ELMO1: variants seen among roughly 807,000 people sequenced by gnomAD.
ELMO1 encodes engulfment and cell motility 1, also known as engulfment and cell motility protein 1.
A neutral mutation model predicts 98.9 loss-of-function variants in ELMO1; 26 were observed. The observed-to-expected ratio is 0.26, with a 90% confidence interval of 0.19 to 0.36. The LOEUF (loss-of-function observed/expected upper bound fraction) is 0.36, where lower values mean the gene tolerates loss of function less well. ELMO1 is among the 10% of genes least tolerant of loss of function. ELMO1 has a pLI of 1.00. For missense variants in ELMO1, 627 were observed against 935.2 expected (o/e 0.67, Z 4.30); for synonymous variants, 346 against 346.0 (o/e 1.00, Z 0.00).
chr7:36,969,046 A>G (rs1313171817), intron 16 of ELMO1, among the ~76,000 whole-genome samples: 2 of 152,152 alleles, frequency 1.3e-5, no homozygotes, highest in African/African-American at 2.4e-5. Context: ...GAGGATCTTT[A>G]GCCATGTAAG....
intron 1 of ELMO1, among the ~76,000 whole-genome samples, chr7:37,398,605 C>T (rs917841797): frequency 6.6e-6 from 1 of 152,192 alleles, no homozygotes; most frequent in Non-Finnish European, 1.5e-5. Flanking sequence ...GCTGAAGTTT[C>T]CTTCCCTAGG....
chr7:37,366,432 T>A (rs759729809), intron 1 of ELMO1, among the ~76,000 whole-genome samples: 6 of 152,216 alleles, frequency 3.9e-5, no homozygotes, highest in Non-Finnish European at 5.9e-5. Context: ...TATTGCTGTA[T>A]AATCTCATTT....
At chr7:37,335,667 C>T (rs1800364263) in intron 2 of ELMO1, among the ~76,000 whole-genome samples, 1 of 152,070 alleles carries the variant, frequency 6.6e-6, no homozygotes, top group Non-Finnish European at 1.5e-5. Context: ...CGAGGGGTGC[C>T]CGGAAGCCCT....
At chr7:37,007,034 G>GAC (rs1025504246) in intron 16 of ELMO1, among the ~76,000 whole-genome samples, 8 of 142,866 alleles carry the variant, frequency 5.6e-5, no homozygotes, top group South Asian at 2.2e-4. Flanking sequence ...CTTAAACACA[G>GAC]ACACACATAT....
At chr7:36,955,090 A>T (rs2129110371) in intron 16 of ELMO1, among the ~76,000 whole-genome samples, 1 of 152,312 alleles carries the variant, frequency 6.6e-6, no homozygotes, top group African/African-American at 2.4e-5. Flanking sequence ...CATGCCTCAC[A>T]CGTTGTATCT....
chr7:37,206,453 C>A (rs543134086), intron 13 of ELMO1, among the ~76,000 whole-genome samples: 46 of 152,300 alleles, frequency 3.0e-4, no homozygotes, highest in South Asian at 1.5e-3. Context: ...GACAAAGACG[C>A]TTCCTTCCGT....
chr7:37,423,511 C>T (rs35776554), intron 1 of ELMO1, among the ~76,000 whole-genome samples: 9,743 of 152,166 alleles, frequency 0.064, 514 homozygotes, highest in East Asian at 0.15. Context: ...ACCCGGGAGG[C>T]GGAGGTTGCA....
At chr7:37,209,300 C>T (rs1401845758) in intron 13 of ELMO1, among the ~76,000 whole-genome samples, 1 of 152,128 alleles carries the variant, frequency 6.6e-6, no homozygotes, top group Non-Finnish European at 1.5e-5. Context: ...ATGTGGTTGG[C>T]CCCCAACCTC....
intron 16 of ELMO1, among the ~76,000 whole-genome samples, chr7:36,935,280 T>C (rs1234879640): frequency 6.6e-6 from 1 of 152,192 alleles, no homozygotes; most frequent in African/African-American, 2.4e-5. Flanking sequence ...CCTTCTGCCA[T>C]GATGGTGAGG....
chr7:37,392,623 A>G (rs901272520), intron 1 of ELMO1, among the ~76,000 whole-genome samples: 3 of 152,146 alleles, frequency 2.0e-5, no homozygotes, highest in Non-Finnish European at 4.4e-5. Flanking sequence ...AGGCCTCCCT[A>G]TAGAATGGAG....
At chr7:37,068,328 A>C (rs756869312) in intron 15 of ELMO1, among the ~76,000 whole-genome samples, 2 of 152,214 alleles carry the variant, frequency 1.3e-5, no homozygotes, top group African/African-American at 2.4e-5. Context: ...AACCCGCTCT[A>C]GGAAACCACC....
chr7:37,225,135 G>A lies in ELMO1; in HGVS notation c.550-105C>T. 5.8e-6 allele frequency: 8 copies of A among 1,371,860 alleles called. No homozygotes were observed. In the South Asian group the frequency reaches 8.0e-5, roughly 14 times the overall value. The allele number at this position is 1,371,860 out of a possible 1,614,324, so 85.0% of individuals were successfully genotyped here. On this transcript the variant is annotated intron_variant, in intron 8 of 21. Transcript: ENST00000310758. The stretch of plus-strand genomic sequence containing the variant: ...TCGGGAACTCATTTAAGAAACACCA[G>A]GCACTGAGGATGACCTGGAATTACA...
chr7:37,401,666 A>T (rs1470392267), intron 1 of ELMO1, among the ~76,000 whole-genome samples: 1 of 152,112 alleles, frequency 6.6e-6, no homozygotes, highest in Non-Finnish European at 1.5e-5. Context: ...AGAATCCCTT[A>T]AAAAACCATC....
chr7:37,357,051 TTGC>T (rs2131315412), intron 1 of ELMO1, among the ~76,000 whole-genome samples: 1 of 152,302 alleles, frequency 6.6e-6, no homozygotes, highest in African/African-American at 2.4e-5. Context: ...CCAACAGCCC[TTGC>T]TGAGGTTCCT....
At chr7:37,050,317 G>A (rs1019764505) in intron 15 of ELMO1, among the ~76,000 whole-genome samples, 10 of 151,958 alleles carry the variant, frequency 6.6e-5, no homozygotes, top group South Asian at 4.2e-4. Flanking sequence ...CAGGTAATCC[G>A]CCCACCTTGG....
chr7:36,894,090 CCT>C (rs1443224193), intron 17 of ELMO1, among the ~76,000 whole-genome samples: 1 of 152,054 alleles, frequency 6.6e-6, no homozygotes, highest in African/African-American at 2.4e-5. Context: ...CTGTGTTTTT[CCT>C]CTTTAAAATA....
chr7:37,129,746 G>C (rs898258369), intron 14 of ELMO1, among the ~76,000 whole-genome samples: 13 of 152,080 alleles, frequency 8.5e-5, no homozygotes, highest in Admixed American at 8.5e-4. Flanking sequence ...TTCTCACATT[G>C]GTTTTCTAGC....
chr7:36,980,268 G>A (rs1274631760), intron 16 of ELMO1, among the ~76,000 whole-genome samples: 1 of 152,226 alleles, frequency 6.6e-6, no homozygotes, highest in Non-Finnish European at 1.5e-5. Flanking sequence ...AGAGAGGGAT[G>A]AAAAATCAGT....
intron 14 of ELMO1, among the ~76,000 whole-genome samples, chr7:37,126,094 C>T (rs1584687362): frequency 6.6e-6 from 1 of 151,294 alleles, no homozygotes; most frequent in Non-Finnish European, 1.5e-5. Context: ...GGGAACTGAA[C>T]AATGAGAACA....
Sources: allele counts gnomAD v4.1 joint callset (sites outside exome capture counted in the v4.1 genomes callset), GRCh38; gene constraint gnomAD v4.1.1; transcripts MANE v1.5; gene names NCBI Gene and HGNC (gene_info 2026-07-23, HGNC 2026-07-21).